The following SEC31A variants were observed in gnomAD, a reference collection of about 807,000 sequenced individuals.
SEC31A encodes the protein protein transport protein Sec31A.
Under a neutral mutation model 151.0 loss-of-function variants are expected in SEC31A, and 70 were observed. The ratio of observed to expected loss-of-function variants is 0.46; its 90% confidence interval spans 0.38 to 0.57. The LOEUF is 0.57. Among genes scored for constraint, SEC31A ranks in the 20% least tolerant of loss-of-function variants. The pLI is 0.00. For synonymous variants in SEC31A, 475 were observed against 505.9 expected, an observed-to-expected ratio of 0.94 and a Z score of 0.82; for missense variants, 1,330 against 1,471.2, an observed-to-expected ratio of 0.90 and a Z score of 1.57.
chr4:82,854,547 A>AT (rs1732203223), intron 17 of SEC31A, among the ~76,000 whole-genome samples: 2 of 151,964 alleles, frequency 1.3e-5, no homozygotes, highest in Admixed American at 6.6e-5. Context: ...GTTATTATTA[A>AT]TTTTATCATA....
chr4:82,823,221 C>A (rs1341714587), intron 25 of SEC31A, among the ~76,000 whole-genome samples: 1 of 152,200 alleles, frequency 6.6e-6, no homozygotes, highest in Non-Finnish European at 1.5e-5. Flanking sequence ...CCATGTATTA[C>A]GTGTCTTCCC....
chr4:82,895,113 T>C (rs1176766062), upstream of SEC31A: 1 of 152,212 alleles, frequency 6.6e-6, no homozygotes, highest in Non-Finnish European at 1.5e-5. Context: ...CCTTGGCATA[T>C]CTAACAGTCA....
Position 82,819,090 on chromosome 4 carries a change from T to G in SEC31A, c.3647A>C (p.Asn1216Thr). ...GCTGTCCTTTTAGACACCCAGCTTA[T>G]TGGCCTGGGTGAGAACAACTTTGAG... ...PVLKVVLTQANKLGV is the reference protein window; with the variant it reads ...PVLKVVLTQATKLGV The change falls in exon 27 of 27, where the codon AAT (asparagine) becomes ACT (threonine). Residue 1216 changes from asparagine (N) to threonine (T), a missense_variant. By Grantham distance (65) the Asn-to-Thr change is moderately conservative. Transcript: ENST00000395310. The G allele has an allele frequency of 6.2e-7, 1 of 1,603,538 alleles. No homozygotes were observed. Among genetic ancestry groups the G allele is most frequent in the Non-Finnish European group, 8.5e-7 (1 of 1,176,328 alleles).
upstream of SEC31A, among the ~76,000 whole-genome samples, chr4:82,892,748 C>T (rs1349677692): frequency 6.6e-6 from 1 of 151,828 alleles, no homozygotes; most frequent in African/African-American, 2.4e-5. Flanking sequence ...GGGGGGGGGG[C>T]ACAATGATTT....
intron 1 of SEC31A, chr4:82,890,807 G>T: frequency 7.7e-7 from 1 of 1,297,490 alleles, no homozygotes; most frequent in Non-Finnish European, 9.8e-7. Context: ...TTACCAGCCC[G>T]GCTACTACTC....
Position 82,840,661 on chromosome 4 carries a change from T to G in SEC31A, c.2968+1479A>C, listed in dbSNP as rs115008172. ...TGCACTTACACAAACCCAGATGGTA[T>G]AGCCCACCACACACCTAGGCTGTAT... On this transcript the variant is annotated intron_variant, in intron 22 of 26. Transcript: ENST00000395310. 7.2e-3 allele frequency among the ~76,000 whole-genome samples: 1,099 copies of G among 152,320 alleles called. 16 individuals carry two copies. The highest frequency in any genetic ancestry group is 0.025 in the African/African-American group (1,044 of 41,562).
Position 82,818,972 on chromosome 4 carries a change from A to G in SEC31A, c.*102T>C, listed in dbSNP as rs1722763097. 1.1e-6 allele frequency: 1 copy of G among 875,286 alleles called. No individual in the cohort carries two copies. The highest frequency in any genetic ancestry group is 1.7e-6 in the Non-Finnish European group (1 of 590,120). The allele number at this position is 875,286 out of a possible 1,614,324, so 54.2% of individuals were successfully genotyped here. On this transcript the variant is annotated 3_prime_UTR_variant, in exon 27 of 27. Coordinates refer to ENST00000395310, the MANE Select transcript of SEC31A (RefSeq NM_001077207.4). ...GTGTAAATGCTCTTGACTGGTTGCT[A>G]TGCAAACATGCTAATGAGGACTAGT...
At chr4:82,841,442 T>TTATATATACATATATATATATA (rs1728741048) in intron 22 of SEC31A, among the ~76,000 whole-genome samples, 1 of 64,460 alleles carries the variant, frequency 1.6e-5, no homozygotes, top group South Asian at 5.9e-4. Flanking sequence ...AAAAAAAATT[T>TTATATATACATATATATATATA]TATATATATA....
intron 22 of SEC31A, among the ~76,000 whole-genome samples, chr4:82,837,217 A>G (rs1316244896): frequency 7.3e-6 from 1 of 137,926 alleles, no homozygotes; most frequent in African/African-American, 2.7e-5. Flanking sequence ...CACAATAAAA[A>G]CTTTAATGCA....
chr4:82,875,886 G>A (rs1737800511), intron 4 of SEC31A, 64 bp from the exon 5 acceptor site: 31 of 864,228 alleles, frequency 3.6e-5, no homozygotes, highest in South Asian at 3.1e-4. Flanking sequence ...GAATAACTCA[G>A]TTCAGAGCTA....
intron 8 of SEC31A, among the ~76,000 whole-genome samples, chr4:82,868,364 G>A (rs936445870): frequency 6.6e-6 from 1 of 151,984 alleles, no homozygotes; most frequent in African/African-American, 2.4e-5. Flanking sequence ...GGCCAGGCAC[G>A]GTGCTGCACG....
intron 22 of SEC31A, among the ~76,000 whole-genome samples, chr4:82,834,120 C>T (rs1184657641): frequency 6.6e-6 from 1 of 152,186 alleles, no homozygotes; most frequent in East Asian, 1.9e-4. Flanking sequence ...TGAGATATGA[C>T]TTCATAACAC....
chr4:82,866,435 C>T (rs1735414896), intron 10 of SEC31A, among the ~76,000 whole-genome samples: 1 of 151,968 alleles, frequency 6.6e-6, no homozygotes, highest in Non-Finnish European at 1.5e-5. Flanking sequence ...TGTGCCACTG[C>T]ACTCCAGCCT....
At chr4:82,843,665 GATTTTT>G (rs757812923) in intron 21 of SEC31A, 9 of 37,010 alleles carry the variant, frequency 2.4e-4, no homozygotes, top group Non-Finnish European at 6.5e-4. Context: ...TCCCCTTTGA[GATTTTT>G]ATTTTTTTTT....
intron 18 of SEC31A, among the ~76,000 whole-genome samples, chr4:82,852,032 T>C (rs1731558151): frequency 6.6e-6 from 1 of 152,160 alleles, no homozygotes; most frequent in Non-Finnish European, 1.5e-5. Context: ...ATAATCCCCA[T>C]GTGTCATGGG....
chr4:82,824,629 G>A lies in SEC31A; in HGVS notation c.3337C>T (p.Pro1113Ser). 1.9e-6 allele frequency: 3 copies of A among 1,614,046 alleles called. No individual in the cohort carries two copies. Among genetic ancestry groups the A allele is most frequent in the Non-Finnish European group, 1.7e-6 (2 of 1,179,956 alleles). ...GTCTTTAGAATGAGGTGCTCATCTG[G>A]AATAGGTTTCTTGGTAATTTTTTTT... Reference protein sequence around the residue: ...PTKKITKKPIPDEHLILKTTF... With the variant: ...PTKKITKKPISDEHLILKTTF... Residue 1113 changes from proline to serine, a missense_variant, in exon 25 of 27, where the codon CCA becomes TCA. Coordinates refer to ENST00000395310, the MANE Select transcript of SEC31A (RefSeq NM_001077207.4).
chr4:82,857,852 C>T, intron 14 of SEC31A, 88 bp from the exon 15 acceptor site: 1 of 798,094 alleles, frequency 1.3e-6, no homozygotes. Flanking sequence ...GATTCTTCAT[C>T]TACAGAGTAG....
rs548050582 is a variant in SEC31A, at chr4:82,900,284, A to G, written c.-174+50T>C. ...CAGTAAATCATATATTTTTGGCCCG[A>G]CTCTGTCTTCAACACACCTAAGGCA... On this transcript the variant is annotated intron_variant, in intron 1 of 28. Transcript: ENST00000355196. 1.9e-5 allele frequency: 3 copies of G among 155,654 alleles called. No individual in the cohort carries two copies. The East Asian group carries it at 5.8e-4, about 30-fold the overall frequency. 9.6% of individuals were successfully genotyped at this position (155,654 alleles called of 1,614,324 possible). A position where few individuals can be genotyped will look rare whatever the true frequency, so the allele number is the denominator to read the frequency against.
Position 82,880,913 on chromosome 4 carries a change from G to C in SEC31A, c.89C>G (p.Ala30Gly). 2 of 1,606,484 alleles carry C rather than the reference G, an allele frequency of 1.2e-6. No individual in the cohort carries two copies. The highest frequency in any genetic ancestry group is 1.7e-6 in the Non-Finnish European group (2 of 1,175,436). Residue 30 changes from alanine to glycine, a missense_variant, in exon 3 of 27, where the codon GCT becomes GGT. Physicochemically the swap from Ala to Gly is moderately conservative, Grantham distance 60. Coordinates refer to ENST00000395310, the MANE Select transcript of SEC31A (RefSeq NM_001077207.4). ...ACTAAATGTTGCATCCAATTGCTGA[G>C]CAGATGTTCCTATAGAAAATATATT... The part of the protein sequence containing the change: ...HPIYLATGTS[A>G]QQLDATFSTN...
Sources: gnomAD v4.1 joint callset for allele counts (sites outside exome capture counted in the v4.1 genomes callset) on GRCh38, gnomAD v4.1.1 for gene constraint, MANE v1.5 for transcripts, NCBI Gene and HGNC (gene_info 2026-07-23, HGNC 2026-07-21) for gene names.